The following GALNT10 variants were observed in gnomAD, a reference collection of about 807,000 sequenced individuals.
GALNT10 encodes the protein polypeptide N-acetylgalactosaminyltransferase 10.
Under a neutral mutation model 75.0 loss-of-function variants are expected in GALNT10, and 41 were observed. The observed-to-expected ratio is 0.55, with a 90% confidence interval of 0.43 to 0.71. The LOEUF is 0.71. Ranked by LOEUF, GALNT10 falls within the 30% of genes least tolerant of loss-of-function variation. The pLI, the probability that GALNT10 is intolerant of heterozygous loss-of-function variation, is 0.00. For synonymous variants in GALNT10, 302 were observed against 313.0 expected (o/e 0.96, Z 0.37); for missense variants, 727 against 818.5 (o/e 0.89, Z 1.36).
chr5:154,378,335 C>CATCATCATCATCATT (rs1343767796), intron 5 of GALNT10, among the ~76,000 whole-genome samples: 1 of 152,110 alleles, frequency 6.6e-6, no homozygotes, highest in Non-Finnish European at 1.5e-5. Context: ...TCATCATCAT[C>CATCATCATCATCATT]ATCATCATTA....
intron 3 of GALNT10, among the ~76,000 whole-genome samples, chr5:154,318,490 C>A (rs2113104119): frequency 6.6e-6 from 1 of 152,152 alleles, no homozygotes. Context: ...ATCTGGACTT[C>A]ATTCCTTGCC....
At chr5:154,220,976 G>C (rs1752968695) in intron 1 of GALNT10, among the ~76,000 whole-genome samples, 1 of 152,164 alleles carries the variant, frequency 6.6e-6, no homozygotes, top group Admixed American at 6.5e-5. Context: ...TATCATGCAG[G>C]CCAAATAAAG....
At chr5:154,213,958 C>T (rs1005679814) in intron 1 of GALNT10, among the ~76,000 whole-genome samples, 1 of 152,164 alleles carries the variant, frequency 6.6e-6, no homozygotes, top group African/African-American at 2.4e-5. Flanking sequence ...GACATAGCAA[C>T]TTCTCCCTTC....
intron 4 of GALNT10, among the ~76,000 whole-genome samples, chr5:154,335,400 A>G (rs935388058): frequency 5.9e-5 from 9 of 152,212 alleles, no homozygotes; most frequent in Non-Finnish European, 1.3e-4. Context: ...AATGTAGAGT[A>G]CAGAGAACAG....
chr5:154,410,108 G>A (rs1327495114), intron 9 of GALNT10, among the ~76,000 whole-genome samples: 2 of 152,182 alleles, frequency 1.3e-5, no homozygotes, highest in Admixed American at 6.5e-5. Flanking sequence ...GCATGCATAA[G>A]TATTTCTCAC....
intron 1 of GALNT10, among the ~76,000 whole-genome samples, chr5:154,269,479 T>G (rs768541631): frequency 3.9e-5 from 6 of 152,226 alleles, no homozygotes; most frequent in African/African-American, 9.6e-5. Context: ...TCCTCCTTCA[T>G]GTGGTATCAG....
intron 1 of GALNT10, among the ~76,000 whole-genome samples, chr5:154,250,265 G>C (rs895369689): frequency 6.6e-6 from 1 of 152,026 alleles, no homozygotes; most frequent in African/African-American, 2.4e-5. Context: ...AAGGCATTTT[G>C]GTCTTTCTTT....
At chr5:154,303,173 G>A (rs1754385317) in intron 3 of GALNT10, among the ~76,000 whole-genome samples, 1 of 152,166 alleles carries the variant, frequency 6.6e-6, no homozygotes, top group South Asian at 2.1e-4. Context: ...TGGACATCAG[G>A]CAGTGAAGAA....
At chr5:154,316,610 T>C (rs1031745289) in intron 3 of GALNT10, among the ~76,000 whole-genome samples, 2 of 152,238 alleles carry the variant, frequency 1.3e-5, no homozygotes, top group Admixed American at 1.3e-4. Flanking sequence ...GTTATTTGCT[T>C]GTCCCCCACA....
intron 4 of GALNT10, among the ~76,000 whole-genome samples, chr5:154,346,882 T>G (rs1755130712): frequency 6.6e-6 from 1 of 152,016 alleles, no homozygotes; most frequent in South Asian, 2.1e-4. Flanking sequence ...TTCTCAGAGT[T>G]TTATAGATTA....
intron 4 of GALNT10, among the ~76,000 whole-genome samples, chr5:154,336,813 C>T (rs969207068): frequency 6.6e-6 from 1 of 152,194 alleles, no homozygotes; most frequent in Non-Finnish European, 1.5e-5. Flanking sequence ...CGAGCTTCTA[C>T]TGTGTGCTAA....
intron 4 of GALNT10, among the ~76,000 whole-genome samples, chr5:154,346,134 G>GTGTGCGTA (rs1357609148): frequency 2.2e-5 from 2 of 92,012 alleles, no homozygotes; most frequent in African/African-American, 6.6e-5. Context: ...TAATATTCGT[G>GTGTGCGTA]TGTGCGTGTG....
chr5:154,194,639 TA>T (rs1283178950), intron 1 of GALNT10, among the ~76,000 whole-genome samples: 13 of 152,238 alleles, frequency 8.5e-5, no homozygotes, highest in African/African-American at 2.9e-4. Context: ...GAAAGAGGTT[TA>T]ACCTCTCTGG....
Position 154,190,813 on chromosome 5 carries a change from A to ACGC in GALNT10, c.-54_-53insCGC. The ACGC allele has an allele frequency of 5.1e-6, 5 of 981,902 alleles. No homozygotes were observed. Among genetic ancestry groups the ACGC allele is most frequent in the Non-Finnish European group, 6.1e-6 (5 of 813,132 alleles). 60.8% of individuals were successfully genotyped at this position (981,902 alleles called of 1,614,324 possible). On this transcript the variant is annotated 5_prime_UTR_variant, in exon 1 of 12. Coordinates refer to ENST00000297107, the MANE Select transcript of GALNT10 (RefSeq NM_198321.4). ...GCCGGGCGGACGGGCGGACGCGCGG[A>ACGC]GCTGGGGGCGGCGCGGCGGGGCCGG...
intron 3 of GALNT10, among the ~76,000 whole-genome samples, chr5:154,314,188 T>A (rs1487402915): frequency 2.6e-5 from 4 of 152,166 alleles, no homozygotes; most frequent in Non-Finnish European, 5.9e-5. Context: ...GAAGGATGTA[T>A]TTTACCCAAG....
chr5:154,355,032 T>A (rs1755265718), intron 4 of GALNT10, among the ~76,000 whole-genome samples: 1 of 152,220 alleles, frequency 6.6e-6, no homozygotes, highest in South Asian at 2.1e-4. Context: ...CGTACTGAAT[T>A]ATGACATCCA....
At chr5:154,213,784 G>A (rs1319439959) in intron 1 of GALNT10, among the ~76,000 whole-genome samples, 1 of 152,112 alleles carries the variant, frequency 6.6e-6, no homozygotes, top group Non-Finnish European at 1.5e-5. Context: ...ATCTTGCTAT[G>A]TTGCCCAGGC....
intron 1 of GALNT10, among the ~76,000 whole-genome samples, chr5:154,247,036 A>G (rs1038960921): frequency 1.3e-5 from 2 of 152,216 alleles, no homozygotes; most frequent in Non-Finnish European, 2.9e-5. Flanking sequence ...ATGGCTAGCC[A>G]GTTTTCCCAG....
intron 1 of GALNT10, among the ~76,000 whole-genome samples, chr5:154,203,159 C>G (rs1404025428): frequency 6.6e-6 from 1 of 152,174 alleles, no homozygotes; most frequent in African/African-American, 2.4e-5. Flanking sequence ...TGTATGGACT[C>G]TCTTTCACTT....
Sources: gnomAD v4.1 joint callset for allele counts (sites outside exome capture counted in the v4.1 genomes callset) on GRCh38, gnomAD v4.1.1 for gene constraint, MANE v1.5 for transcripts, NCBI Gene and HGNC (gene_info 2026-07-23, HGNC 2026-07-21) for gene names.